The following TAF3 variants were observed in gnomAD, a reference collection of about 807,000 sequenced individuals.
TAF3 encodes TATA-box binding protein associated factor 3, also known as transcription initiation factor TFIID subunit 3.
TAF3 carries 7 observed loss-of-function variants against 80.6 expected under a neutral mutation model. The ratio of observed to expected loss-of-function variants is 0.09; its 90% CI spans 0.05 to 0.16. The LOEUF (loss-of-function observed/expected upper bound fraction) is 0.16. Ranked by LOEUF, TAF3 falls within the 10% of genes least tolerant of loss-of-function variation. The pLI is 1.00. For synonymous variants in TAF3, 444 were observed against 446.1 expected (o/e 1.00, Z 0.06); for missense variants, 921 against 1,140.2 (o/e 0.81, Z 2.77).
intron 2 of TAF3, among the ~76,000 whole-genome samples, chr10:7,900,534 C>G (rs1837548442): frequency 6.6e-6 from 1 of 152,186 alleles, no homozygotes; most frequent in African/African-American, 2.4e-5. Flanking sequence ...GCCAAGAAAA[C>G]AAGCACACAC....
At chr10:7,952,506 C>T (rs535357566) in intron 2 of TAF3, among the ~76,000 whole-genome samples, 1 of 152,302 alleles carries the variant, frequency 6.6e-6, no homozygotes, top group South Asian at 2.1e-4. Context: ...CCATAGAAAC[C>T]CCAAAGTCAT....
At chr10:7,909,924 G>C (rs1837641143) in intron 2 of TAF3, among the ~76,000 whole-genome samples, 2 of 152,080 alleles carry the variant, frequency 1.3e-5, no homozygotes, top group African/African-American at 4.8e-5. Flanking sequence ...CGACTGCTCA[G>C]GTCCCTGATA....
Position 7,903,948 on chromosome 10 carries a change from G to A in TAF3, c.410-59972G>A, listed in dbSNP as rs554750981. Among the ~76,000 whole-genome samples, 63 of 152,102 alleles carry A rather than the reference G, an allele frequency of 4.1e-4. 1 individual carries two copies. The highest frequency in any genetic ancestry group is 1.3e-3 in the African/African-American group (53 of 41,482). ...TACAGTAAGTGTGAGAATATTTTACGGTATTGTAGGTATCTGGAAAACAGA... is the reference window on the plus strand; with the variant it reads ...TACAGTAAGTGTGAGAATATTTTACAGTATTGTAGGTATCTGGAAAACAGA... On this transcript the variant is annotated intron_variant, in intron 2 of 6. Coordinates refer to ENST00000344293, the MANE Select transcript of TAF3 (RefSeq NM_031923.4).
intron 2 of TAF3, among the ~76,000 whole-genome samples, chr10:7,864,904 C>T (rs1837194874): frequency 6.6e-6 from 1 of 151,656 alleles, no homozygotes; most frequent in East Asian, 1.9e-4. Flanking sequence ...AGGTTTTTGT[C>T]CTGTGTTATC....
At chr10:7,973,443 A>T (rs1218853494) in intron 3 of TAF3, among the ~76,000 whole-genome samples, 1 of 152,238 alleles carries the variant, frequency 6.6e-6, no homozygotes, top group African/African-American at 2.4e-5. Context: ...TGAAGAATAT[A>T]AGAACTTCAT....
At chr10:7,915,216 G>A (rs558224416) in intron 2 of TAF3, among the ~76,000 whole-genome samples, 11 of 151,028 alleles carry the variant, frequency 7.3e-5, no homozygotes, top group African/African-American at 2.4e-4. Flanking sequence ...CTGGGATTAC[G>A]GGCAGGGCAT....
intron 2 of TAF3, among the ~76,000 whole-genome samples, chr10:7,827,175 C>G (rs1465003174): frequency 6.6e-6 from 1 of 152,144 alleles, no homozygotes; most frequent in Non-Finnish European, 1.5e-5. Flanking sequence ...AGAGGCACAG[C>G]GTGGACCTCA....
At chr10:7,917,794 T>C (rs1354758555) in intron 2 of TAF3, among the ~76,000 whole-genome samples, 1 of 152,066 alleles carries the variant, frequency 6.6e-6, no homozygotes, top group African/African-American at 2.4e-5. Context: ...AGGAAATACT[T>C]TTGAAGTTAT....
At chr10:7,890,189 C>G (rs974347577) in intron 2 of TAF3, among the ~76,000 whole-genome samples, 9 of 152,208 alleles carry the variant, frequency 5.9e-5, no homozygotes, top group African/African-American at 1.9e-4. Flanking sequence ...CACCATGGCT[C>G]TCACCTGCCT....
At chr10:7,943,834 A>G (rs935672146) in intron 2 of TAF3, among the ~76,000 whole-genome samples, 2 of 152,294 alleles carry the variant, frequency 1.3e-5, no homozygotes, top group East Asian at 1.9e-4. Flanking sequence ...TATCATTTCC[A>G]TCTATTACCA....
intron 2 of TAF3, among the ~76,000 whole-genome samples, chr10:7,871,916 A>G (rs1191267043): frequency 6.6e-6 from 1 of 152,234 alleles, no homozygotes; most frequent in East Asian, 1.9e-4. Context: ...TAAAATAAAC[A>G]TGATTTGTCT....
At chr10:7,824,715 C>T (rs988912717) in intron 2 of TAF3, among the ~76,000 whole-genome samples, 155 bp downstream of exon 2, 3 of 152,170 alleles carry the variant, frequency 2.0e-5, no homozygotes, top group African/African-American at 7.2e-5. Context: ...AACCAACAAA[C>T]TTGCAACTGA....
At chr10:7,878,547 A>G (rs552125804) in intron 2 of TAF3, among the ~76,000 whole-genome samples, 9 of 152,226 alleles carry the variant, frequency 5.9e-5, no homozygotes, top group African/African-American at 2.2e-4. Flanking sequence ...CACTTAGGGT[A>G]TATTAACTTT....
chr10:7,932,669 A>ATTTTT (rs34907761), intron 2 of TAF3, among the ~76,000 whole-genome samples: 30 of 78,814 alleles, frequency 3.8e-4, no homozygotes, highest in African/African-American at 5.2e-4. Flanking sequence ...GTTCCACTTA[A>ATTTTT]TTTTTTTTTT....
rs17445476 is a variant in TAF3, at chr10:7,991,118, C to T, written c.2315+13795C>T. Among the ~76,000 whole-genome samples, 683 of 152,066 alleles carry T rather than the reference C, an allele frequency of 4.5e-3. 3 individuals are homozygous for T. The highest frequency in any genetic ancestry group is 7.3e-3 in the Non-Finnish European group (498 of 67,994). On this transcript the variant is annotated intron_variant, in intron 4 of 6. Transcript: ENST00000344293. ...GTCAGTGTAATAATTTCAGTCGTCTCGTCTTGCCTCAGAGAAAATTTTGGA... is the reference window on the plus strand; with the variant it reads ...GTCAGTGTAATAATTTCAGTCGTCTTGTCTTGCCTCAGAGAAAATTTTGGA...
At position 8,009,019 on chromosome 10, in the gene TAF3, C is replaced by T. The variant is rs1000967261; in HGVS notation, c.2316-59C>T. ...TATTTTACGATCATGTTTTTAAGCA[C>T]GGGTTTGGTTCGATGATGATCCTGT... On this transcript the variant is annotated intron_variant, in intron 4 of 6. Transcript: ENST00000344293. The surrounding 1 kb of genome is among the most constrained non-coding windows in gnomAD (Gnocchi z 4.1). The T allele has an allele frequency of 2.3e-5, 36 of 1,549,980 alleles. No individual in the cohort carries two copies. The highest frequency in any genetic ancestry group is 3.0e-5 in the Non-Finnish European group (34 of 1,145,158).
intron 2 of TAF3, among the ~76,000 whole-genome samples, chr10:7,848,199 A>G (rs1298137033): frequency 2.0e-5 from 3 of 152,232 alleles, no homozygotes; most frequent in African/African-American, 7.2e-5. Context: ...TCTTCCTGAT[A>G]TACTGAGGGT....
chr10:7,999,581 C>A (rs1448924435), intron 4 of TAF3, among the ~76,000 whole-genome samples: 2 of 151,720 alleles, frequency 1.3e-5, no homozygotes, highest in Non-Finnish European at 2.9e-5. Flanking sequence ...CCCAGCATCT[C>A]AAGTAGCTGG....
intron 4 of TAF3, among the ~76,000 whole-genome samples, chr10:7,983,887 T>G (rs1183288447): frequency 6.6e-6 from 1 of 151,864 alleles, no homozygotes; most frequent in Non-Finnish European, 1.5e-5. Flanking sequence ...AAAAGCAAAA[T>G]AACAACAATG....
Sources: allele counts gnomAD v4.1 joint callset (sites outside exome capture counted in the v4.1 genomes callset), GRCh38; gene constraint gnomAD v4.1.1; non-coding constraint Gnocchi (gnomAD v3.1); transcripts MANE v1.5; gene names NCBI Gene and HGNC (gene_info 2026-07-23, HGNC 2026-07-21).